Variants in SLC5A3 observed in about 807,000 individuals in gnomAD.
The protein encoded by SLC5A3 is sodium/myo-inositol cotransporter.
In SLC5A3, 10 loss-of-function variants were observed where a neutral mutation model predicts 43.2. That is an observed-to-expected ratio of 0.23 (90% CI 0.14 to 0.39). The LOEUF is 0.39. SLC5A3 is among the 10% of genes least tolerant of loss of function. The pLI is 1.00. For synonymous variants in SLC5A3, 349 were observed against 322.0 expected, an observed-to-expected ratio of 1.08 and a Z score of -0.90; for missense variants, 608 against 893.4, an observed-to-expected ratio of 0.68 and a Z score of 4.07.
intron 1 of SLC5A3, among the ~76,000 whole-genome samples, chr21:34,083,407 G>C (rs1204538957): frequency 1.3e-5 from 2 of 152,214 alleles, no homozygotes; most frequent in Non-Finnish European, 2.9e-5. Context: ...CATCTGTTCA[G>C]TCTGGTTTTG....
chr21:34,093,385 T>G (rs1438218410), intron 1 of SLC5A3, among the ~76,000 whole-genome samples: 2 of 152,126 alleles, frequency 1.3e-5, no homozygotes, highest in African/African-American at 2.4e-5. Context: ...ATTGAGACAT[T>G]TCTATCCAGG....
chr21:34,087,615 A>C (rs1407085928), intron 1 of SLC5A3, among the ~76,000 whole-genome samples: 1 of 152,228 alleles, frequency 6.6e-6, no homozygotes, highest in East Asian at 1.9e-4. Flanking sequence ...ACTTTTGTGC[A>C]AAGACGTAAA....
In SLC5A3 at chr21:34,104,485, G is replaced by C; in HGVS notation, c.*7130G>C. On this transcript the variant is annotated 3_prime_UTR_variant, in exon 2 of 2. Coordinates refer to ENST00000381151, the MANE Select transcript of SLC5A3 (RefSeq NM_006933.7). The stretch of plus-strand genomic sequence containing the variant: ...GAATGGGAGAGAAATGACTACCTTT[G>C]TTCCTACTCTTTTATATAATTATCC... 2 of 997,834 alleles carry C rather than the reference G, an allele frequency of 2.0e-6. No homozygotes were observed. Among genetic ancestry groups the C allele is most frequent in the Non-Finnish European group, 2.4e-6 (2 of 828,624 alleles). 61.8% of individuals were successfully genotyped at this position (997,834 alleles called of 1,614,324 possible). A position where few individuals can be genotyped will look rare whatever the true frequency, so the allele number is the denominator to read the frequency against.
chr21:34,098,463 A>AT lies in SLC5A3; in HGVS notation c.*1118dup, dbSNP rs143708036. On this transcript the variant is annotated 3_prime_UTR_variant, in exon 2 of 2. Coordinates refer to ENST00000381151, the MANE Select transcript of SLC5A3 (RefSeq NM_006933.7). ...TGCATCCTTGATAAGTTTTTCCCTG[A>AT]TTTTTTTTTTCCTCAAAAGACTTTC... The AT allele has an allele frequency of 4.7e-3, 4,501 of 953,142 alleles. 100 individuals carry two copies. The African/African-American group carries it at 0.059, about 12-fold the overall frequency. The allele number at this position is 953,142 out of a possible 1,614,324, so 59.0% of individuals were successfully genotyped here.
chr21:34,086,835 A>AG (rs35890460), intron 1 of SLC5A3, among the ~76,000 whole-genome samples: 152,235 of 152,236 alleles, frequency 1, 76,117 homozygotes, highest in Non-Finnish European at 1. Context: ...GAGGTGGAAG[A>AG]GGATTCTTCA....
Position 34,097,742 on chromosome 21 carries a change from ATT to A in SLC5A3, c.*395_*396del. 2.0e-6 allele frequency: 2 copies of A among 1,001,162 alleles called. No individual in the cohort carries two copies. 62.0% of individuals were successfully genotyped at this position (1,001,162 alleles called of 1,614,324 possible). On this transcript the variant is annotated 3_prime_UTR_variant, in exon 2 of 2. Coordinates refer to ENST00000381151, the MANE Select transcript of SLC5A3 (RefSeq NM_006933.7). ...AAGTAGAAGATTTGCTCATTTCTAA[ATT>A]TTTTTTTCTGTCTCTGTAATCCCTC... is the stretch of plus-strand genomic sequence containing the variant.
In SLC5A3 at chr21:34,106,097, G is replaced by A; in HGVS notation, c.*8742G>A. On this transcript the variant is annotated 3_prime_UTR_variant, in exon 2 of 2. Coordinates refer to ENST00000381151, the MANE Select transcript of SLC5A3 (RefSeq NM_006933.7). ...TTGTGTACTGTGTGTTATTTTGCCA[G>A]CTGCTGCATTAGCCTTCAAAAGTAT... 2 of 998,952 alleles carry A rather than the reference G, an allele frequency of 2.0e-6. No homozygotes were observed. Among genetic ancestry groups the A allele is most frequent in the African/African-American group, 1.7e-5 (1 of 57,326 alleles). 61.9% of individuals were successfully genotyped at this position (998,952 alleles called of 1,614,324 possible).
rs539773175 is a variant in SLC5A3 at position 34,098,981 on chromosome 21, A to G, written c.*1626A>G. ...TCATAAATACTTTTGTAGATTTTGA[A>G]TCAAAACTCAGTCTTTTTAATTTTT... On this transcript the variant is annotated 3_prime_UTR_variant, in exon 2 of 2. Coordinates refer to ENST00000381151, the MANE Select transcript of SLC5A3 (RefSeq NM_006933.7). 658 of 989,166 alleles carry G rather than the reference A, an allele frequency of 6.7e-4. No homozygotes were observed. The highest frequency in any genetic ancestry group is 3.2e-3 in the Middle Eastern group (6 of 1,894). 61.3% of individuals were successfully genotyped at this position (989,166 alleles called of 1,614,324 possible).
chr21:34,097,358 T>A lies in SLC5A3; in HGVS notation c.*3T>A. 1 of 1,589,684 alleles carries A rather than the reference T, an allele frequency of 6.3e-7. No individual in the cohort carries two copies. The highest frequency in any genetic ancestry group is 8.6e-7 in the Non-Finnish European group (1 of 1,168,278). On this transcript the variant is annotated 3_prime_UTR_variant, in exon 2 of 2. Transcript: ENST00000381151. ...TGTTTGTTTATTTCTCCTTATGAAC[T>A]TAAGGATATGGTGAGACACTAACTT... is the stretch of plus-strand genomic sequence containing the variant.
At position 34,104,118 on chromosome 21, in the gene SLC5A3, T is replaced by TA; in HGVS notation, c.*6764dup. 1 of 999,856 alleles carries TA rather than the reference T, an allele frequency of 1.0e-6. No individual in the cohort carries two copies. The highest frequency in any genetic ancestry group is 1.2e-6 in the Non-Finnish European group (1 of 829,840). 61.9% of individuals were successfully genotyped at this position (999,856 alleles called of 1,614,324 possible). A position where few individuals can be genotyped will look rare whatever the true frequency, so the allele number is the denominator to read the frequency against. On this transcript the variant is annotated 3_prime_UTR_variant, in exon 2 of 2. Coordinates refer to ENST00000381151, the MANE Select transcript of SLC5A3 (RefSeq NM_006933.7). ...TACGTTTGTATGTGAGAGATGAAGT[T>TA]ACCTTTATTTTTTTCCTATACTTGA...
chr21:34,079,018 G>GAAGAACTACCCT (rs1203364495), intron 1 of SLC5A3, among the ~76,000 whole-genome samples: 2 of 152,192 alleles, frequency 1.3e-5, no homozygotes, highest in African/African-American at 4.8e-5. Flanking sequence ...TTGTCTAAAG[G>GAAGAACTACCCT]AAGAACTACC....
In SLC5A3 at chr21:34,101,934, A is replaced by G. The variant is rs1220279983; in HGVS notation, c.*4579A>G. On this transcript the variant is annotated 3_prime_UTR_variant, in exon 2 of 2. Coordinates refer to ENST00000381151, the MANE Select transcript of SLC5A3 (RefSeq NM_006933.7). ...CTTTGAAATGATGGTGTCAGAGTGCAGAGAAACAATGGAGTTTTGATGCCA... is the reference window on the plus strand; with the variant it reads ...CTTTGAAATGATGGTGTCAGAGTGCGGAGAAACAATGGAGTTTTGATGCCA... 7 of 1,000,184 alleles carry G rather than the reference A, an allele frequency of 7.0e-6. No individual in the cohort carries two copies. Among genetic ancestry groups the G allele is most frequent in the Non-Finnish European group, 8.4e-6 (7 of 829,904 alleles). 62.0% of individuals were successfully genotyped at this position (1,000,184 alleles called of 1,614,324 possible).
chr21:34,099,527 T>C lies in SLC5A3; in HGVS notation c.*2172T>C, dbSNP rs1979134612. The stretch of plus-strand genomic sequence containing the variant: ...TTCTTTGAACCACATTACTGTGTAA[T>C]TCACTGATAATTGACATATTGGCTG... On this transcript the variant is annotated 3_prime_UTR_variant, in exon 2 of 2. Coordinates refer to ENST00000381151, the MANE Select transcript of SLC5A3 (RefSeq NM_006933.7). The C allele has an allele frequency of 1.0e-6, 1 of 999,462 alleles. No homozygotes were observed. The highest frequency in any genetic ancestry group is 1.2e-6 in the Non-Finnish European group (1 of 829,488). 61.9% of individuals were successfully genotyped at this position (999,462 alleles called of 1,614,324 possible).
At position 34,096,960 on chromosome 21, in the gene SLC5A3, A is replaced by C. The variant is rs753256176; in HGVS notation, c.1762A>C (p.Asn588His). 4 of 1,614,128 alleles carry C rather than the reference A, an allele frequency of 2.5e-6. No homozygotes were observed. The highest frequency in any genetic ancestry group is 3.4e-6 in the Non-Finnish European group (4 of 1,179,988). The part of the protein sequence containing the change: ...NNETINHIIP[N>H]GKSEDSIKGL... ...TGAGACCATCAACCACATCATTCCCAACGGGAAATCTGAAGACAGCATTAA... is the reference window on the plus strand; with the variant it reads ...TGAGACCATCAACCACATCATTCCCCACGGGAAATCTGAAGACAGCATTAA... The change falls in exon 2 of 2, where the codon AAC becomes CAC. Residue 588 changes from asparagine to histidine, a missense_variant. Asn to His is a moderately conservative substitution (Grantham distance 68). Transcript: ENST00000381151. The surrounding 1 kb of genome is among the most constrained non-coding windows in gnomAD (Gnocchi z 5.9).
At chr21:34,075,377 C>G (rs757193794) in intron 1 of SLC5A3, among the ~76,000 whole-genome samples, 1 of 152,194 alleles carries the variant, frequency 6.6e-6, no homozygotes, top group African/African-American at 2.4e-5. Flanking sequence ...GTTAACATGG[C>G]TGCAAGTATT....
chr21:34,089,853 A>G (rs898682505), intron 1 of SLC5A3, among the ~76,000 whole-genome samples: 1 of 152,194 alleles, frequency 6.6e-6, no homozygotes, highest in Non-Finnish European at 1.5e-5. Context: ...TTTAATAGAA[A>G]TGTTTTGTCA....
intron 1 of SLC5A3, among the ~76,000 whole-genome samples, chr21:34,089,103 T>G (rs144089375): frequency 2.6e-5 from 4 of 151,886 alleles, no homozygotes; most frequent in African/African-American, 9.7e-5. Flanking sequence ...CTCGGCTCAC[T>G]GCAACCTCCA....
At chr21:34,087,418 A>G (rs1006896875) in intron 1 of SLC5A3, among the ~76,000 whole-genome samples, 4 of 152,226 alleles carry the variant, frequency 2.6e-5, no homozygotes, top group African/African-American at 9.6e-5. Context: ...CACCTGTAAT[A>G]TGTAAGATGG....
In SLC5A3 at chr21:34,096,758, G is replaced by T; in HGVS notation, c.1560G>T (p.Trp520Cys). Residue 520 changes from tryptophan (W) to cysteine (C), a missense_variant, in exon 2 of 2, where the codon TGG becomes TGT. Coordinates refer to ENST00000381151, the MANE Select transcript of SLC5A3 (RefSeq NM_006933.7). This position sits in a 1 kb window ranked among gnomAD's most constrained non-coding sequence, Gnocchi z 5.9. ...HYMYVATGLF[W>C]VTGLITVIVS... Reference sequence around the variant, plus strand: ...TGTATGTGGCCACAGGATTGTTTTGGGTCACGGGACTCATTACTGTAATTG... The same window carrying T: ...TGTATGTGGCCACAGGATTGTTTTGTGTCACGGGACTCATTACTGTAATTG... The T allele has an allele frequency of 6.2e-7, 1 of 1,613,970 alleles. No homozygotes were observed. Among genetic ancestry groups the T allele is most frequent in the South Asian group, 1.1e-5 (1 of 91,072 alleles).
Sources: gnomAD v4.1 joint callset for allele counts (sites outside exome capture counted in the v4.1 genomes callset) on GRCh38, gnomAD v4.1.1 for gene constraint, Gnocchi (gnomAD v3.1) non-coding constraint, MANE v1.5 for transcripts, NCBI Gene and HGNC (gene_info 2026-07-23, HGNC 2026-07-21) for gene names.